RBFOX1: variants seen among roughly 807,000 people sequenced by gnomAD.
The protein encoded by RBFOX1 is RNA binding fox-1 homolog 1.
RBFOX1 carries 8 observed loss-of-function variants against 57.7 expected under a neutral mutation model. That is an observed-to-expected ratio of 0.14 (90% CI 0.08 to 0.25). The LOEUF (loss-of-function observed/expected upper bound fraction) is 0.25, where lower values mean the gene tolerates loss of function less well. Among genes scored for constraint, RBFOX1 ranks in the 10% least tolerant of loss-of-function variants. RBFOX1 has a pLI of 1.00. For missense variants in RBFOX1, 611 were observed against 548.5 expected (o/e 1.11, Z -1.14); for synonymous variants, 326 against 222.4 (o/e 1.47, Z -4.15).
At chr16:6,840,602 C>T (rs1023337954) in intron 3 of RBFOX1, among the ~76,000 whole-genome samples, 6 of 151,962 alleles carry the variant, frequency 3.9e-5, no homozygotes, top group Non-Finnish European at 5.9e-5. Context: ...CATAAAAAGG[C>T]TTGAGTCTGG....
intron 11 of RBFOX1, among the ~76,000 whole-genome samples, chr16:7,648,851 A>C (rs1255808165): frequency 6.6e-6 from 1 of 152,230 alleles, no homozygotes; most frequent in Non-Finnish European, 1.5e-5. Context: ...GACAATTCCA[A>C]GTGCAACAAA....
chr16:5,950,086 A>G (rs1244650232), intron 4 of RBFOX1, among the ~76,000 whole-genome samples: 7 of 152,248 alleles, frequency 4.6e-5, no homozygotes, highest in Non-Finnish European at 8.8e-5. Context: ...TATTTAAGGC[A>G]GTGTCCTCCA....
intron 2 of RBFOX1, among the ~76,000 whole-genome samples, chr16:5,572,542 C>G (rs529352752): frequency 1.3e-5 from 2 of 152,102 alleles, no homozygotes; most frequent in Non-Finnish European, 2.9e-5. Flanking sequence ...GTCATGACAA[C>G]CAGAATCTCT....
intron 2 of RBFOX1, among the ~76,000 whole-genome samples, chr16:5,528,600 C>G (rs553174898): frequency 7.6e-6 from 1 of 131,464 alleles, no homozygotes; most frequent in African/African-American, 2.9e-5. Flanking sequence ...AATTCATTCT[C>G]TCTCTCTCTT....
At chr16:7,215,755 T>C (rs1199405245) in intron 4 of RBFOX1, among the ~76,000 whole-genome samples, 12 of 148,908 alleles carry the variant, frequency 8.1e-5, no homozygotes, top group East Asian at 4.0e-4. Context: ...GACGGAGTCT[T>C]GCTCTGTTGT....
chr16:5,708,590 C>G (rs1455609151), intron 3 of RBFOX1, among the ~76,000 whole-genome samples: 1 of 152,194 alleles, frequency 6.6e-6, no homozygotes, highest in East Asian at 1.9e-4. Flanking sequence ...ACCACCTCAA[C>G]CATGTGTCTT....
chr16:6,802,152 C>A (rs1430385503), intron 3 of RBFOX1, among the ~76,000 whole-genome samples: 1 of 151,478 alleles, frequency 6.6e-6, no homozygotes, highest in East Asian at 1.9e-4. Context: ...CCAGGAAAGG[C>A]CTGGGCACAA....
chr16:7,640,564 A>G (rs1269163713), intron 11 of RBFOX1, among the ~76,000 whole-genome samples: 6 of 152,324 alleles, frequency 3.9e-5, no homozygotes, highest in African/African-American at 1.2e-4. Flanking sequence ...ACAATAAACT[A>G]TGTTGCCCTG....
intron 4 of RBFOX1, among the ~76,000 whole-genome samples, chr16:7,158,001 A>G (rs34218843): frequency 0.15 from 22,369 of 152,182 alleles, 1,891 homozygotes; most frequent in East Asian, 0.33. Context: ...GAAATAATAC[A>G]GAAAAATTCT....
chr16:6,167,381 A>G (rs950703143), intron 1 of RBFOX1, among the ~76,000 whole-genome samples: 14 of 152,148 alleles, frequency 9.2e-5, no homozygotes, highest in African/African-American at 3.1e-4. Context: ...TTAAGCTGAG[A>G]GCACTTACCT....
intron 3 of RBFOX1, among the ~76,000 whole-genome samples, chr16:5,729,276 C>T (rs1180210258): frequency 2.6e-5 from 4 of 152,016 alleles, no homozygotes; most frequent in African/African-American, 4.8e-5. Context: ...AGTTCTAAAT[C>T]AGAGCTGGAA....
intron 3 of RBFOX1, among the ~76,000 whole-genome samples, chr16:5,716,458 C>G (rs1271565880): frequency 1.3e-5 from 2 of 152,208 alleles, no homozygotes; most frequent in Admixed American, 6.5e-5. Flanking sequence ...TGAAAAAAAC[C>G]TCAGCTTCGC....
chr16:5,342,016 G>T (rs947966466), intron 1 of RBFOX1, among the ~76,000 whole-genome samples: 1 of 152,046 alleles, frequency 6.6e-6, no homozygotes, highest in African/African-American at 2.4e-5. Context: ...CTTCTGCATG[G>T]AAAAAAGAGT....
At chr16:7,245,508 A>AC in intron 4 of RBFOX1, among the ~76,000 whole-genome samples, 1 of 152,242 alleles carries the variant, frequency 6.6e-6, no homozygotes, top group East Asian at 1.9e-4. Context: ...ACTGTTGACC[A>AC]ACAGAGGCTA....
intron 4 of RBFOX1, among the ~76,000 whole-genome samples, chr16:7,312,489 TAAC>T (rs1339571480): frequency 6.6e-6 from 1 of 152,210 alleles, no homozygotes; most frequent in African/African-American, 2.4e-5. Flanking sequence ...TCTCTCAAAT[TAAC>T]ATGATTAATA....
intron 2 of RBFOX1, among the ~76,000 whole-genome samples, chr16:6,513,012 T>C (rs959746302): frequency 2.0e-5 from 3 of 152,228 alleles, no homozygotes; most frequent in African/African-American, 7.2e-5. Context: ...TTCTCATCGA[T>C]GTCTCCTTCC....
intron 3 of RBFOX1, among the ~76,000 whole-genome samples, chr16:6,903,036 G>A (rs1305278927): frequency 6.6e-6 from 1 of 152,150 alleles, no homozygotes; most frequent in African/African-American, 2.4e-5. Context: ...GACTGCTCCT[G>A]TGAAGTGAAA....
rs147318552 is a variant in RBFOX1, at chr16:5,990,309, A to C, written c.351+122974A>C. On this transcript the variant is annotated intron_variant, in intron 4 of 19. Coordinates refer to the RBFOX1 transcript ENST00000641259. ...ACCCAGCCCATAAAGGCATATGTGA[A>C]GATTTCCACTGGCCGTAATGGAAAG... Among the ~76,000 whole-genome samples the C allele has an allele frequency of 3.0e-4, 45 of 152,294 alleles. 1 individual carries two copies. The highest frequency in any genetic ancestry group is 9.9e-4 in the African/African-American group (41 of 41,564).
intron 3 of RBFOX1, among the ~76,000 whole-genome samples, chr16:6,943,560 T>C (rs2078933334): frequency 6.6e-6 from 1 of 151,828 alleles, no homozygotes; most frequent in Non-Finnish European, 1.5e-5. Context: ...TACAAAAAAT[T>C]AGCCAGGCGC....
Sources: gnomAD v4.1 joint callset for allele counts (sites outside exome capture counted in the v4.1 genomes callset) on GRCh38, gnomAD v4.1.1 for gene constraint, MANE v1.5 for transcripts, NCBI Gene and HGNC (gene_info 2026-07-23, HGNC 2026-07-21) for gene names.